Variants in SLC22A4 observed in about 807,000 individuals in gnomAD.
SLC22A4 encodes the protein ET transporter.
In SLC22A4, 39 loss-of-function variants were observed where a neutral mutation model predicts 56.6. The ratio of observed to expected loss-of-function variants is 0.69; its 90% CI spans 0.53 to 0.90. The LOEUF is 0.90. Among genes scored for constraint, SLC22A4 ranks in the 40% least tolerant of loss-of-function variants. SLC22A4 has a pLI of 0.00. For synonymous variants in SLC22A4, 241 were observed against 281.4 expected, an observed-to-expected ratio of 0.86 and a Z score of 1.44; for missense variants, 594 against 696.5, an observed-to-expected ratio of 0.85 and a Z score of 1.66.
At chr5:132,313,104 C>T (rs1339190577) in intron 2 of SLC22A4, among the ~76,000 whole-genome samples, 1 of 152,202 alleles carries the variant, frequency 6.6e-6, no homozygotes, top group Non-Finnish European at 1.5e-5. Flanking sequence ...GGAAACTTTC[C>T]CAAATCCTAA....
At chr5:132,324,864 C>A (rs1750645871) in intron 4 of SLC22A4, among the ~76,000 whole-genome samples, 1 of 151,960 alleles carries the variant, frequency 6.6e-6, no homozygotes, top group Admixed American at 6.6e-5. Flanking sequence ...AGATTATGTG[C>A]ACCAAAAAAA....
chr5:132,305,681 G>C (rs1750010773), intron 1 of SLC22A4, among the ~76,000 whole-genome samples: 1 of 152,122 alleles, frequency 6.6e-6, no homozygotes, highest in Non-Finnish European at 1.5e-5. Context: ...TGTCAACCAA[G>C]AATCATGCAT....
At chr5:132,328,823 T>TTATA (rs70974032) in intron 5 of SLC22A4, among the ~76,000 whole-genome samples, 17 of 145,510 alleles carry the variant, frequency 1.2e-4, no homozygotes, top group African/African-American at 4.1e-4. Context: ...GGCAGTGCCT[T>TTATA]TATATATATA....
intron 1 of SLC22A4, among the ~76,000 whole-genome samples, chr5:132,305,518 A>T (rs1255434372): frequency 6.6e-6 from 1 of 152,344 alleles, no homozygotes; most frequent in East Asian, 1.9e-4. Flanking sequence ...AAAAAGAGAC[A>T]AAAACGAAGG....
intron 1 of SLC22A4, among the ~76,000 whole-genome samples, chr5:132,300,155 T>C (rs1014381757): frequency 1.3e-5 from 2 of 152,238 alleles, no homozygotes; most frequent in African/African-American, 4.8e-5. Context: ...TAGATTGCGT[T>C]ATGCACTTTT....
chr5:132,322,319 T>C lies in SLC22A4; in HGVS notation c.788T>C (p.Leu263Pro). The C allele has an allele frequency of 6.2e-7, 1 of 1,613,946 alleles. No individual in the cohort carries two copies. The highest frequency in any genetic ancestry group is 1.1e-5 in the South Asian group (1 of 91,072). The change falls in exon 4 of 10, where the codon CTG becomes CCG. Residue 263 changes from leucine (L) to proline (P), a missense_variant. Physicochemically the swap from Leu to Pro is moderately conservative, Grantham distance 98 (BLOSUM62 -3). Coordinates refer to ENST00000200652, the MANE Select transcript of SLC22A4 (RefSeq NM_003059.3). The part of the protein sequence containing the change: ...IRDWRMLLLA[L>P]TVPGVLCVPL... ...GACTGGCGGATGCTGCTGCTGGCGC[T>C]GACGGTGCCGGGAGTGCTGTGTGTC...
In SLC22A4 at chr5:132,308,653, A is replaced by G. The variant is rs544769733; in HGVS notation, c.394-3508A>G. On this transcript the variant is annotated intron_variant, in intron 1 of 9. Transcript: ENST00000200652. The stretch of plus-strand genomic sequence containing the variant: ...CAAGAGTGACCTCCTATCCCCTATT[A>G]CCTTGTCACCTGGATTTTTGTTTCT... Among the ~76,000 whole-genome samples the G allele has an allele frequency of 2.6e-5, 4 of 151,666 alleles. No homozygotes were observed. The East Asian group carries it at 7.8e-4, about 29-fold the overall frequency.
chr5:132,337,982 TGATCCA>T (rs1486498883), intron 8 of SLC22A4, among the ~76,000 whole-genome samples: 1 of 151,542 alleles, frequency 6.6e-6, no homozygotes, highest in East Asian at 1.9e-4. Flanking sequence ...TGACCTCAGG[TGATCCA>T]CCTGCCTTGG....
Position 132,311,781 on chromosome 5 carries a change from C to T in SLC22A4, c.394-380C>T, listed in dbSNP as rs116316407. On this transcript the variant is annotated intron_variant, in intron 1 of 9. Coordinates refer to ENST00000200652, the MANE Select transcript of SLC22A4 (RefSeq NM_003059.3). The stretch of plus-strand genomic sequence containing the variant: ...TTGGGCTTTTCAAACACCTCCCCTC[C>T]GCACTAGGCTGGCTTCTGAAGATGC... 1,850 of 315,516 alleles carry T rather than the reference C, an allele frequency of 5.9e-3. 12 individuals carry two copies. Among genetic ancestry groups the T allele is most frequent in the East Asian group, 0.016 (219 of 13,540 alleles). The allele number at this position is 315,516 out of a possible 1,614,324, so 19.5% of individuals were successfully genotyped here. A position where few individuals can be genotyped will look rare whatever the true frequency, so the allele number is the denominator to read the frequency against.
intron 1 of SLC22A4, among the ~76,000 whole-genome samples, chr5:132,302,642 C>A (rs1174381285): frequency 6.6e-6 from 1 of 152,250 alleles, no homozygotes; most frequent in African/African-American, 2.4e-5. Context: ...CAGGCGGCAA[C>A]TTCCAGAGCT....
intron 1 of SLC22A4, among the ~76,000 whole-genome samples, chr5:132,309,166 C>A (rs1750117005): frequency 6.6e-6 from 1 of 152,252 alleles, no homozygotes. Flanking sequence ...CCTCTTAGGA[C>A]TGGCAGCTGA....
At chr5:132,321,977 A>C (rs1750554117) in intron 3 of SLC22A4, among the ~76,000 whole-genome samples, 1 of 152,140 alleles carries the variant, frequency 6.6e-6, no homozygotes, top group South Asian at 2.1e-4. Context: ...TTAAAATCTC[A>C]TAGAAATTCA....
chr5:132,327,513 C>G, intron 5 of SLC22A4, 110 bp downstream of exon 5: 1 of 895,810 alleles, frequency 1.1e-6, no homozygotes, highest in Non-Finnish European at 1.9e-6. Flanking sequence ...AGGCATTGCA[C>G]TAGGCCTTAG....
Position 132,326,179 on chromosome 5 carries a change from C to T in SLC22A4, c.825-1098C>T, listed in dbSNP as rs868035857. Among the ~76,000 whole-genome samples, 41 of 152,320 alleles carry T rather than the reference C, an allele frequency of 2.7e-4. No homozygotes were observed. In the Middle Eastern group the frequency reaches 0.017, roughly 63 times the overall value. On this transcript the variant is annotated intron_variant, in intron 4 of 9. Coordinates refer to ENST00000200652, the MANE Select transcript of SLC22A4 (RefSeq NM_003059.3). ...CCCTTGAATTCTTTCCTGGGCAAAG[C>T]CAAGAACCCTCATGGGCCAAACCCC...
intron 3 of SLC22A4, among the ~76,000 whole-genome samples, chr5:132,317,664 G>A (rs772421247): frequency 1.3e-5 from 2 of 152,154 alleles, no homozygotes; most frequent in African/African-American, 2.4e-5. Flanking sequence ...TATAAGGTAG[G>A]ACCTCTGCTG....
chr5:132,307,515 G>T (rs188106533), intron 1 of SLC22A4, among the ~76,000 whole-genome samples: 1 of 151,998 alleles, frequency 6.6e-6, no homozygotes, highest in South Asian at 2.1e-4. Context: ...TTGCTTATTC[G>T]TCCATGTGTT....
intron 4 of SLC22A4, chr5:132,324,428 G>T (rs1219390362): frequency 6.5e-6 from 3 of 462,946 alleles, no homozygotes; most frequent in Non-Finnish European, 1.3e-5. Context: ...TGCTCACTGT[G>T]CCCTAAGGAG....
chr5:132,295,490 G>T, intron 1 of SLC22A4: 1 of 353,792 alleles, frequency 2.8e-6, no homozygotes, highest in South Asian at 2.2e-5. Flanking sequence ...TGTGAGGTTT[G>T]GGGTCCTTTC....
At chr5:132,300,021 T>G (rs1363260272) in intron 1 of SLC22A4, among the ~76,000 whole-genome samples, 5 of 152,240 alleles carry the variant, frequency 3.3e-5, no homozygotes, top group Non-Finnish European at 4.4e-5. Flanking sequence ...TATTTAGTTG[T>G]CATGTCTCAG....
Sources: allele counts gnomAD v4.1 joint callset (sites outside exome capture counted in the v4.1 genomes callset), GRCh38; gene constraint gnomAD v4.1.1; transcripts MANE v1.5; gene names NCBI Gene and HGNC (gene_info 2026-07-23, HGNC 2026-07-21).